TMEM182: variants seen among roughly 807,000 people sequenced by gnomAD.
TMEM182 encodes the protein transmembrane protein 182.
In TMEM182, 20 loss-of-function variants were observed where a neutral mutation model predicts 26.8. The observed-to-expected ratio is 0.75, with a 90% CI of 0.53 to 1.09. The LOEUF is 1.09. Ranked by LOEUF, TMEM182 falls within the 50% of genes least tolerant of loss-of-function variation. TMEM182 has a pLI of 0.00. For missense variants in TMEM182, 277 were observed against 275.5 expected, an observed-to-expected ratio of 1.01 and a Z score of -0.04; for synonymous variants, 109 against 102.2, an observed-to-expected ratio of 1.07 and a Z score of -0.40.
Position 102,792,957 on chromosome 2 carries a change from T to A in TMEM182, c.332-4906T>A, listed in dbSNP as rs190730318. 1.1e-4 allele frequency among the ~76,000 whole-genome samples: 17 copies of A among 152,308 alleles called. No individual in the cohort carries two copies. In the East Asian group the frequency reaches 3.3e-3, roughly 29 times the overall value. On this transcript the variant is annotated intron_variant, in intron 3 of 4. Coordinates refer to ENST00000412401, the MANE Select transcript of TMEM182 (RefSeq NM_144632.5). ...GCTGTCTGTTTCTTCCTCTGCTTCA[T>A]CGTGTGTCTCCTCCCTTTCTTGCAT... is the stretch of plus-strand genomic sequence containing the variant.
intron 1 of TMEM182, among the ~76,000 whole-genome samples, chr2:102,756,184 T>C (rs1680026158): frequency 6.6e-6 from 1 of 152,196 alleles, no homozygotes; most frequent in African/African-American, 2.4e-5. Context: ...TTTGGTGAAA[T>C]AGATTTAAAT....
chr2:102,762,665 A>C lies in TMEM182; in HGVS notation c.211A>C (p.Asn71His). Residue 71 changes from asparagine to histidine, a missense_variant, in exon 2 of 5, where the codon AAT (asparagine) becomes CAT (histidine). Asn to His is a moderately conservative substitution (Grantham distance 68). Coordinates refer to ENST00000412401, the MANE Select transcript of TMEM182 (RefSeq NM_144632.5). ...TGGGATTGTGGAAGAGAATGACTCC[A>C]ATATTTGGAAGTTCTGGTACAGTAA... ...FNGIVEENDS[N>H]IWKFWYTNQP... 2 of 1,613,782 alleles carry C rather than the reference A, an allele frequency of 1.2e-6. No homozygotes were observed. The highest frequency in any genetic ancestry group is 1.7e-6 in the Non-Finnish European group (2 of 1,179,836).
chr2:102,803,491 T>G (rs566150777), intron 4 of TMEM182, among the ~76,000 whole-genome samples: 6 of 152,326 alleles, frequency 3.9e-5, no homozygotes, highest in African/African-American at 1.4e-4. Context: ...GAAGTGGGAT[T>G]TGTGGTTTGG....
At chr2:102,827,336 T>C (rs756599309) in intron 3 of TMEM182, among the ~76,000 whole-genome samples, 2 of 152,256 alleles carry the variant, frequency 1.3e-5, no homozygotes, top group Non-Finnish European at 2.9e-5. Flanking sequence ...CAGTCTGATA[T>C]ACTATACTAC....
At chr2:102,798,092 G>C in intron 4 of TMEM182, 92 bp downstream of exon 4, 1 of 1,421,414 alleles carries the variant, frequency 7.0e-7, no homozygotes, top group Non-Finnish European at 9.5e-7. Flanking sequence ...CAGCCTTCTA[G>C]TAACAGTAAC....
At chr2:102,744,091 C>T (rs1679618099) in intron 1 of TMEM182, among the ~76,000 whole-genome samples, 1 of 152,192 alleles carries the variant, frequency 6.6e-6, no homozygotes. Flanking sequence ...AATACTTTAA[C>T]ATCAGCAGAA....
At chr2:102,761,621 A>G (rs1680215436), upstream of TMEM182, among the ~76,000 whole-genome samples, 1 of 152,250 alleles carries the variant, frequency 6.6e-6, no homozygotes, top group Non-Finnish European at 1.5e-5. Context: ...ATTTTCTACC[A>G]CAAAAAAAGT....
At chr2:102,794,088 A>C (rs905974910) in intron 3 of TMEM182, among the ~76,000 whole-genome samples, 2 of 152,192 alleles carry the variant, frequency 1.3e-5, no homozygotes, top group Admixed American at 1.3e-4. Context: ...AAAGAAAAAA[A>C]GAAATGCCTT....
chr2:102,796,359 C>T (rs935647466), intron 3 of TMEM182, among the ~76,000 whole-genome samples: 11 of 152,240 alleles, frequency 7.2e-5, no homozygotes, highest in African/African-American at 2.2e-4. Context: ...TCAGTACAGT[C>T]GTAGAATGGA....
At chr2:102,827,883 G>T (rs1482670981) in intron 3 of TMEM182, among the ~76,000 whole-genome samples, 9 of 152,156 alleles carry the variant, frequency 5.9e-5, no homozygotes, top group African/African-American at 2.2e-4. Flanking sequence ...CTGAGGTCAG[G>T]AGTTCGAGGC....
rs923906944 is a variant in TMEM182 at position 102,779,562 on chromosome 2, A to G, written c.331+15135A>G. ...TAGATTGGATAATTCTCATTACTCA[A>G]TCTTGAAGTTAACTTACTGTTTTCT... On this transcript the variant is annotated intron_variant, in intron 3 of 4. Transcript: ENST00000412401. Among the ~76,000 whole-genome samples, 7 of 152,204 alleles carry G rather than the reference A, an allele frequency of 4.6e-5. 1 individual carries two copies. Among genetic ancestry groups the G allele is most frequent in the African/African-American group, 1.7e-4 (7 of 41,456 alleles).
chr2:102,739,567 G>C (rs1185677091), intron 1 of TMEM182, among the ~76,000 whole-genome samples: 1 of 152,094 alleles, frequency 6.6e-6, no homozygotes, highest in Non-Finnish European at 1.5e-5. Context: ...TGTGAGATCT[G>C]GTTGTTTAAA....
intron 3 of TMEM182, among the ~76,000 whole-genome samples, chr2:102,828,568 G>C (rs750339004): frequency 6.6e-6 from 1 of 152,150 alleles, no homozygotes; most frequent in Non-Finnish European, 1.5e-5. Context: ...CCTGTTGGTC[G>C]AGATTTACAT....
At chr2:102,748,016 C>CT (rs1406301045) in intron 1 of TMEM182, among the ~76,000 whole-genome samples, 2 of 152,160 alleles carry the variant, frequency 1.3e-5, no homozygotes, top group African/African-American at 4.8e-5. Context: ...CCCCAGGTAG[C>CT]TTTTTTCCCT....
In TMEM182 at chr2:102,817,360, A is replaced by G; in HGVS notation, c.*2392A>G. The G allele has an allele frequency of 2.0e-6, 2 of 985,430 alleles. No individual in the cohort carries two copies. Among genetic ancestry groups the G allele is most frequent in the Non-Finnish European group, 2.4e-6 (2 of 829,922 alleles). 61.0% of individuals were successfully genotyped at this position (985,430 alleles called of 1,614,324 possible). ...TTATCAAGGATATCTTTTCAGTTAC[A>G]CTTTTAGAAAGAGTGAATAAAAAGG... On this transcript the variant is annotated 3_prime_UTR_variant, in exon 5 of 5. Transcript: ENST00000412401.
At chr2:102,836,933 T>A (rs1253467512) in intron 3 of TMEM182, among the ~76,000 whole-genome samples, 5 of 152,250 alleles carry the variant, frequency 3.3e-5, no homozygotes, top group African/African-American at 1.2e-4. Context: ...ATGCATTTAA[T>A]GCTCTGATTG....
intron 3 of TMEM182, among the ~76,000 whole-genome samples, chr2:102,795,481 C>T (rs1681830770): frequency 6.6e-6 from 1 of 152,202 alleles, no homozygotes; most frequent in African/African-American, 2.4e-5. Flanking sequence ...CCAACCCAAT[C>T]TGTCCCTTTC....
At chr2:102,808,421 G>A (rs953820233) in intron 4 of TMEM182, among the ~76,000 whole-genome samples, 1 of 152,136 alleles carries the variant, frequency 6.6e-6, no homozygotes, top group African/African-American at 2.4e-5. Flanking sequence ...GATTTAGCAG[G>A]GCTGCTTGTG....
chr2:102,798,413 G>A (rs1248847570), intron 4 of TMEM182, among the ~76,000 whole-genome samples: 2 of 152,184 alleles, frequency 1.3e-5, no homozygotes, highest in Non-Finnish European at 2.9e-5. Context: ...TAACATATCA[G>A]CATATGATAT....
Sources: allele counts gnomAD v4.1 joint callset (sites outside exome capture counted in the v4.1 genomes callset), GRCh38; gene constraint gnomAD v4.1.1; transcripts MANE v1.5; gene names NCBI Gene and HGNC (gene_info 2026-07-23, HGNC 2026-07-21).